Variants in PCDHA6 observed in about 807,000 individuals in gnomAD.
The protein encoded by PCDHA6 is protocadherin alpha-6.
Under a neutral mutation model 60.3 loss-of-function variants are expected in PCDHA6, and 55 were observed. That is an observed-to-expected ratio of 0.91 (90% CI 0.73 to 1.14). PCDHA6 has a LOEUF of 1.14. Among genes scored for constraint, PCDHA6 ranks in the 50% most tolerant of loss-of-function variants. The pLI, the probability that PCDHA6 is intolerant of heterozygous loss-of-function variation, is 0.00. For synonymous variants in PCDHA6, 652 were observed against 557.9 expected (o/e 1.17, Z -2.38); for missense variants, 1,327 against 1,256.5 (o/e 1.06, Z -0.85).
chr5:141,001,468 G>A (rs1375908420), intron 3 of PCDHA6, among the ~76,000 whole-genome samples: 1 of 152,226 alleles, frequency 6.6e-6, no homozygotes, highest in African/African-American at 2.4e-5. Context: ...GGACTAAGCA[G>A]CAGCGGGGAA....
intron 1 of PCDHA6, chr5:140,857,381 G>A (rs1232678115): frequency 6.3e-7 from 1 of 1,598,364 alleles, no homozygotes; most frequent in Non-Finnish European, 8.6e-7. Flanking sequence ...TGTGGAGGTG[G>A]CCGACGTGAA....
chr5:140,906,611 C>T (rs2072787341), intron 1 of PCDHA6, among the ~76,000 whole-genome samples: 1 of 152,196 alleles, frequency 6.6e-6, no homozygotes, highest in Non-Finnish European at 1.5e-5. Flanking sequence ...ATTCTGTATT[C>T]CCTTTGCCTT....
intron 1 of PCDHA6, chr5:140,877,976 C>T: frequency 8.0e-7 from 1 of 1,255,054 alleles, no homozygotes. Flanking sequence ...GTCATTCTTA[C>T]TCATTTTGAA....
rs2150183440 is a variant in PCDHA6, at chr5:140,830,250, C to G, written c.2159C>G (p.Ala720Gly). 3 of 1,613,904 alleles carry G rather than the reference C, an allele frequency of 1.9e-6. No homozygotes were observed. Among genetic ancestry groups the G allele is most frequent in the Admixed American group, 1.7e-5 (1 of 60,016 alleles). Residue 720 changes from alanine to glycine, a missense_variant, in exon 1 of 4, where the codon GCG becomes GGG. Coordinates refer to ENST00000529310, the MANE Select transcript of PCDHA6 (RefSeq NM_018909.4). ...LLVLTLLLYT[A>G]LRCSAPPTEG... ...GTCCTCACGCTACTGCTGTACACAG[C>G]GCTGCGGTGCTCGGCGCCACCCACC...
At chr5:140,853,193 T>C in intron 1 of PCDHA6, 2 of 981,640 alleles carry the variant, frequency 2.0e-6, no homozygotes, top group Non-Finnish European at 2.5e-6. Context: ...ATGTGTTCTT[T>C]ATTATTGACG....
chr5:140,836,225 G>A (rs1774300222), intron 1 of PCDHA6: 1 of 1,613,770 alleles, frequency 6.2e-7, no homozygotes, highest in Non-Finnish European at 8.5e-7. Flanking sequence ...TGCAACCGGT[G>A]GCGGCCGGTG....
intron 1 of PCDHA6, chr5:140,835,006 T>A: frequency 7.2e-7 from 1 of 1,393,804 alleles, no homozygotes; most frequent in Non-Finnish European, 9.7e-7. Context: ...ACTCCGGAGC[T>A]TCATTTATTG....
intron 1 of PCDHA6, among the ~76,000 whole-genome samples, chr5:140,846,921 G>T (rs1780756664): frequency 6.7e-6 from 1 of 149,554 alleles, no homozygotes. Context: ...TTTCCTATTT[G>T]AATTTTTGAA....
intron 3 of PCDHA6, among the ~76,000 whole-genome samples, chr5:140,982,826 T>C (rs193172264): frequency 1.1e-3 from 157 of 141,010 alleles, no homozygotes; most frequent in African/African-American, 3.0e-3. Context: ...GTTTTTGGGG[T>C]TTGTTTGTTT....
intron 3 of PCDHA6, among the ~76,000 whole-genome samples, chr5:140,982,886 G>A (rs1310342145): frequency 1.3e-5 from 2 of 152,114 alleles, no homozygotes; most frequent in Admixed American, 6.6e-5. Flanking sequence ...GCCATGCAGA[G>A]AAGATCTGGT....
At chr5:140,924,901 A>AAAAAT (rs10667761) in intron 1 of PCDHA6, among the ~76,000 whole-genome samples, 10,380 of 79,870 alleles carry the variant, frequency 0.13, 426 homozygotes, top group East Asian at 0.37. Context: ...TCTCAAAAAA[A>AAAAAT]AAAATAAAAT....
intron 1 of PCDHA6, among the ~76,000 whole-genome samples, chr5:140,930,792 A>G (rs782797665): frequency 4.9e-4 from 74 of 152,228 alleles, no homozygotes; most frequent in Admixed American, 1.4e-3. Flanking sequence ...AATATAATAG[A>G]ATCCAGCATA....
chr5:140,909,341 T>C (rs2074443719), intron 1 of PCDHA6, among the ~76,000 whole-genome samples: 1 of 152,222 alleles, frequency 6.6e-6, no homozygotes, highest in African/African-American at 2.4e-5. Context: ...GCATACCAGG[T>C]ACCAAGAGAT....
intron 1 of PCDHA6, chr5:140,856,276 A>C (rs1554148470): frequency 6.3e-7 from 1 of 1,598,372 alleles, no homozygotes; most frequent in Admixed American, 1.7e-5. Context: ...TTCTGGAGGT[A>C]AATCTGCAGA....
chr5:140,851,631 T>C, intron 1 of PCDHA6: 1 of 919,266 alleles, frequency 1.1e-6, no homozygotes. Flanking sequence ...TTTAAACAAG[T>C]GTTTCCTTTC....
rs782810123 is a variant in PCDHA6, at chr5:140,876,271, T to C, written c.2394+45786T>C. 1.9e-6 allele frequency: 3 copies of C among 1,613,926 alleles called. No individual in the cohort carries two copies. In the African/African-American group the frequency reaches 4.0e-5, roughly 22 times the overall value. On this transcript the variant is annotated intron_variant, in intron 1 of 3. Coordinates refer to ENST00000529310, the MANE Select transcript of PCDHA6 (RefSeq NM_018909.4). ...CACAAGAGTGATCCAACTAAATGCTTCCGATCCAGACGAAGGACTTAATGG... is the reference window on the plus strand; with the variant it reads ...CACAAGAGTGATCCAACTAAATGCTCCCGATCCAGACGAAGGACTTAATGG...
intron 1 of PCDHA6, chr5:140,967,032 A>T: frequency 6.2e-7 from 1 of 1,610,180 alleles, no homozygotes; most frequent in Non-Finnish European, 8.5e-7. Flanking sequence ...AGTCCGCGCT[A>T]CCTGGAGCTG....
At chr5:140,976,597 G>A (rs1477005420) in intron 1 of PCDHA6, among the ~76,000 whole-genome samples, 1 of 152,062 alleles carries the variant, frequency 6.6e-6, no homozygotes, top group South Asian at 2.1e-4. Flanking sequence ...TTTGTGTTAA[G>A]GGGACCTAAA....
At chr5:140,944,335 G>A (rs1196825895) in intron 1 of PCDHA6, among the ~76,000 whole-genome samples, 1 of 151,986 alleles carries the variant, frequency 6.6e-6, no homozygotes, top group African/African-American at 2.4e-5. Context: ...TTACAAGCAC[G>A]TGCCACCACA....
Sources: allele counts gnomAD v4.1 joint callset (sites outside exome capture counted in the v4.1 genomes callset), GRCh38; gene constraint gnomAD v4.1.1; transcripts MANE v1.5; gene names NCBI Gene and HGNC (gene_info 2026-07-23, HGNC 2026-07-21).